The following CACNA1C variants were observed in gnomAD, a reference collection of about 807,000 sequenced individuals.
The protein encoded by CACNA1C is calcium voltage-gated channel subunit alpha1 C.
A neutral mutation model predicts 229.0 loss-of-function variants in CACNA1C; 30 were observed. The observed-to-expected ratio is 0.13, with a 90% CI of 0.10 to 0.18. The LOEUF (loss-of-function observed/expected upper bound fraction) is 0.18. Ranked by LOEUF, CACNA1C falls within the 10% of genes least tolerant of loss-of-function variation. The pLI, the probability that CACNA1C is intolerant of heterozygous loss-of-function variation, is 1.00. For synonymous variants in CACNA1C, 1,114 were observed against 1,132.5 expected (o/e 0.98, Z 0.33); for missense variants, 1,658 against 2,845.0 (o/e 0.58, Z 9.49).
intron 3 of CACNA1C, among the ~76,000 whole-genome samples, chr12:2,353,283 A>G (rs1220465412): frequency 6.6e-6 from 1 of 152,146 alleles, no homozygotes; most frequent in Non-Finnish European, 1.5e-5. Context: ...GCAAGTCTCC[A>G]AGGCCTGACT....
At chr12:2,015,142 G>A (rs904826763) in intron 1 of CACNA1C, among the ~76,000 whole-genome samples, 33 of 152,176 alleles carry the variant, frequency 2.2e-4, no homozygotes, top group African/African-American at 5.5e-4. Flanking sequence ...GAAAGGGCTA[G>A]TTTACCAGTC....
chr12:2,500,826 C>T (rs1328295852), intron 7 of CACNA1C, among the ~76,000 whole-genome samples: 2 of 152,168 alleles, frequency 1.3e-5, no homozygotes, highest in Non-Finnish European at 2.9e-5. Context: ...AGGCTGTCTG[C>T]AGGATGCTGT....
chr12:2,404,862 G>A (rs2098718655), intron 3 of CACNA1C, among the ~76,000 whole-genome samples: 1 of 152,236 alleles, frequency 6.6e-6, no homozygotes, highest in African/African-American at 2.4e-5. Flanking sequence ...TATCCAGGAA[G>A]AAGAGTAGCT....
chr12:2,081,180 C>T (rs61367213), intron 1 of CACNA1C, among the ~76,000 whole-genome samples: 2,495 of 152,244 alleles, frequency 0.016, 75 homozygotes, highest in African/African-American at 0.057. Flanking sequence ...CCACAACAGA[C>T]GCCAGAAGAC....
chr12:2,311,896 A>G (rs2095454909), intron 3 of CACNA1C, among the ~76,000 whole-genome samples: 2 of 152,246 alleles, frequency 1.3e-5, no homozygotes, highest in African/African-American at 2.4e-5. Context: ...AAACTTAAAA[A>G]TGGTTAACAT....
At chr12:2,591,132 G>T (rs574131944) in intron 18 of CACNA1C, among the ~76,000 whole-genome samples, 2 of 152,204 alleles carry the variant, frequency 1.3e-5, no homozygotes, top group South Asian at 4.2e-4. Flanking sequence ...ATGTCTGTAT[G>T]GTACTGGCCC....
intron 3 of CACNA1C, among the ~76,000 whole-genome samples, chr12:2,263,063 G>C (rs1195991703): frequency 1.3e-5 from 2 of 152,248 alleles, no homozygotes; most frequent in Admixed American, 6.5e-5. Context: ...GGGTGCTTCA[G>C]GGTGGGGTTA....
At chr12:2,337,172 G>A (rs1567121781) in intron 3 of CACNA1C, among the ~76,000 whole-genome samples, 1 of 152,214 alleles carries the variant, frequency 6.6e-6, no homozygotes, top group Non-Finnish European at 1.5e-5. Context: ...GCCCTTCCAA[G>A]ACCAAGGTTT....
chr12:2,154,490 G>A (rs913957601), intron 3 of CACNA1C, among the ~76,000 whole-genome samples: 2 of 152,204 alleles, frequency 1.3e-5, no homozygotes, highest in Non-Finnish European at 2.9e-5. Flanking sequence ...GGAGCAATGA[G>A]GGAGACTCCT....
rs1437611774 is a variant in CACNA1C at position 2,666,590 on chromosome 12, A to G, written c.4527-96A>G. ...TACCACACTGTGCAGTGTTGCCCAT[A>G]TGAGTGGGCCCTACCCCTCAGGCGC... On this transcript the variant is annotated intron_variant, in intron 36 of 46. Coordinates refer to ENST00000399655, the MANE Select transcript of CACNA1C (RefSeq NM_000719.7). The surrounding 1 kb of genome is among the most constrained non-coding windows in gnomAD (Gnocchi z 5.3). 5.7e-6 allele frequency: 4 copies of G among 700,074 alleles called. No homozygotes were observed. Among genetic ancestry groups the G allele is most frequent in the African/African-American group, 1.8e-5 (1 of 56,600 alleles). The allele number at this position is 700,074 out of a possible 1,614,324, so 43.4% of individuals were successfully genotyped here. A position where few individuals can be genotyped will look rare whatever the true frequency, so the allele number is the denominator to read the frequency against.
chr12:2,003,110 G>T (rs1364431106), intron 1 of CACNA1C, among the ~76,000 whole-genome samples: 1 of 152,146 alleles, frequency 6.6e-6, no homozygotes, highest in African/African-American at 2.4e-5. Context: ...CCTCCGTTAA[G>T]AACTTTGGGC....
chr12:2,022,149 G>A (rs1461676324), intron 1 of CACNA1C, among the ~76,000 whole-genome samples: 2 of 152,166 alleles, frequency 1.3e-5, no homozygotes, highest in African/African-American at 4.8e-5. Flanking sequence ...GTGAACTGCT[G>A]TATTGACAGG....
intron 29 of CACNA1C, among the ~76,000 whole-genome samples, chr12:2,625,836 T>C (rs1465692053): frequency 1.3e-5 from 2 of 152,032 alleles, no homozygotes; most frequent in Non-Finnish European, 2.9e-5. Flanking sequence ...CACACACCTG[T>C]AGTCCCAGCT....
chr12:2,637,841 G>A (rs1020287746), intron 30 of CACNA1C, among the ~76,000 whole-genome samples: 4 of 152,240 alleles, frequency 2.6e-5, no homozygotes, highest in African/African-American at 7.2e-5. Context: ...TGTGATCCAT[G>A]AGGGCGTTTC....
chr12:2,482,052 C>T (rs757549101), intron 5 of CACNA1C, among the ~76,000 whole-genome samples: 4 of 152,228 alleles, frequency 2.6e-5, no homozygotes, highest in African/African-American at 4.8e-5. Flanking sequence ...GTGAGCCAAT[C>T]CCAAGAAGCT....
At chr12:2,414,128 ATC>A (rs34663217) in intron 3 of CACNA1C, among the ~76,000 whole-genome samples, 9 of 151,720 alleles carry the variant, frequency 5.9e-5, no homozygotes, top group Admixed American at 2.0e-4. Flanking sequence ...AAGTGGCGTA[ATC>A]TCTGAGTTTT....
At chr12:2,513,360 A>G (rs2087742358) in intron 9 of CACNA1C, among the ~76,000 whole-genome samples, 2 of 152,244 alleles carry the variant, frequency 1.3e-5, no homozygotes, top group African/African-American at 4.8e-5. Flanking sequence ...ATGTGTGCCA[A>G]GCAGCTGCCT....
chr12:2,304,748 A>G (rs2094876789), intron 3 of CACNA1C, among the ~76,000 whole-genome samples: 1 of 152,186 alleles, frequency 6.6e-6, no homozygotes, highest in Non-Finnish European at 1.5e-5. Flanking sequence ...CTGCTAGGAC[A>G]GCCAGTTGTT....
chr12:2,119,890 C>T (rs890198604), intron 2 of CACNA1C, among the ~76,000 whole-genome samples: 13 of 152,284 alleles, frequency 8.5e-5, no homozygotes, highest in African/African-American at 3.1e-4. Context: ...GTCTCTCTGT[C>T]TTGGAATCCT....
Sources: allele counts gnomAD v4.1 joint callset (sites outside exome capture counted in the v4.1 genomes callset), GRCh38; gene constraint gnomAD v4.1.1; non-coding constraint Gnocchi (gnomAD v3.1); transcripts MANE v1.5; gene names NCBI Gene and HGNC (gene_info 2026-07-23, HGNC 2026-07-21).